Variants in CEP72 observed in about 807,000 individuals in gnomAD.
The protein encoded by CEP72 is centrosomal protein of 72 kDa.
A neutral mutation model predicts 65.7 loss-of-function variants in CEP72; 78 were observed. That is an observed-to-expected ratio of 1.19 (90% CI 0.99 to 1.43). The LOEUF (loss-of-function observed/expected upper bound fraction) is 1.43, where lower values mean the gene tolerates loss of function less well. CEP72 is among the 40% of genes most tolerant of loss of function. The pLI, the probability that CEP72 is intolerant of heterozygous loss-of-function variation, is 0.00. For synonymous variants in CEP72, 358 were observed against 351.7 expected, an observed-to-expected ratio of 1.02 and a Z score of -0.20; for missense variants, 914 against 832.9, an observed-to-expected ratio of 1.10 and a Z score of -1.20.
At chr5:664,848 GA>G (rs1401777584) in intron 2 of CEP72, 2 of 514,990 alleles carry the variant, frequency 3.9e-6, no homozygotes, top group Non-Finnish European at 3.5e-6. Context: ...AGACACTTTG[GA>G]AATGGCTGAG....
In CEP72 at chr5:637,880, C is replaced by T. The variant is rs1416651277; in HGVS notation, c.1206+62C>T. On this transcript the variant is annotated intron_variant, in intron 7 of 11. Coordinates refer to ENST00000264935, the MANE Select transcript of CEP72 (RefSeq NM_018140.4). ...CTGCCTCCCTAATGTGGGGCTGTTA[C>T]GGCTTTGGCGGGGCCGTGATTACGC... The T allele has an allele frequency of 4.0e-5, 56 of 1,414,772 alleles. 1 individual carries two copies. The highest frequency in any genetic ancestry group is 1.0e-4 in the South Asian group (7 of 68,216). The allele number at this position is 1,414,772 out of a possible 1,614,324, so 87.6% of individuals were successfully genotyped here. A position where few individuals can be genotyped will look rare whatever the true frequency, so the allele number is the denominator to read the frequency against.
intron 2 of CEP72, chr5:665,165 T>C (rs1697963): frequency 0.62 from 997,234 of 1,613,244 alleles, 312,295 homozygotes; most frequent in African/African-American, 0.89. Flanking sequence ...ACACATAGCC[T>C]GACTCGTCCA....
intron 2 of CEP72, chr5:664,784 T>C (rs1039702378): frequency 3.4e-6 from 1 of 298,324 alleles, no homozygotes; most frequent in South Asian, 5.4e-5. Flanking sequence ...AGCCAGCTGC[T>C]TTAAAACGCC....
At chr5:639,579 C>T (rs1375200620) in intron 8 of CEP72, among the ~76,000 whole-genome samples, 2 of 152,212 alleles carry the variant, frequency 1.3e-5, no homozygotes, top group East Asian at 1.9e-4. Flanking sequence ...TCTTCTCCCC[C>T]GACCCAGACG....
rs1736511578 is a variant in CEP72 at position 623,195 on chromosome 5, C to A, written c.404-1276C>A. ...TGCAGAGAAGGAGCGCGACCGTCTC[C>A]CCTCTTAGTGTTTCTACAGAGAAGG... On this transcript the variant is annotated intron_variant, in intron 3 of 11. Transcript: ENST00000264935. The surrounding 1 kb of genome is among the most constrained non-coding windows in gnomAD (Gnocchi z 5.3). Among the ~76,000 whole-genome samples the A allele has an allele frequency of 6.6e-6, 1 of 151,958 alleles. No individual in the cohort carries two copies. The highest frequency in any genetic ancestry group is 1.5e-5 in the Non-Finnish European group (1 of 67,974).
rs1437081387 is a variant in CEP72 at position 635,381 on chromosome 5, A to G, written c.701A>G (p.His234Arg). ...ADSRGSQESRHLLSPQLVQYQ... is the reference protein window; with the variant it reads ...ADSRGSQESRRLLSPQLVQYQ... ...TACAATATTTTAATAGAATCCAGACATCTGTTGAGCCCGCAGTTGGTACAG... is the reference window on the plus strand; with the variant it reads ...TACAATATTTTAATAGAATCCAGACGTCTGTTGAGCCCGCAGTTGGTACAG... The change falls in exon 6 of 12, where the codon CAT (histidine) becomes CGT (arginine). Residue 234 changes from histidine to arginine, a missense_variant. Coordinates refer to ENST00000264935, the MANE Select transcript of CEP72 (RefSeq NM_018140.4). The G allele has an allele frequency of 1.2e-6, 2 of 1,607,162 alleles. No homozygotes were observed. The highest frequency in any genetic ancestry group is 1.1e-5 in the South Asian group (1 of 90,720).
the CEP72 span, among the ~76,000 whole-genome samples, chr5:675,290 G>A: frequency 8.3e-6 from 1 of 120,054 alleles, no homozygotes; most frequent in Admixed American, 8.0e-5. Flanking sequence ...GTTCAGTGTG[G>A]CCAGGGGTGC....
intron 5 of CEP72, among the ~76,000 whole-genome samples, chr5:634,592 G>T (rs546594045): frequency 6.6e-6 from 1 of 152,312 alleles, no homozygotes; most frequent in South Asian, 2.1e-4. Context: ...AATCCTAGCT[G>T]CTCTGTCAGG....
intron 4 of CEP72, among the ~76,000 whole-genome samples, chr5:625,278 C>T (rs1027239403): frequency 6.6e-5 from 10 of 152,228 alleles, no homozygotes; most frequent in African/African-American, 1.9e-4. Flanking sequence ...GGAAAGTGGT[C>T]GGATTGTACA....
At chr5:663,391 A>G (rs1447892900) in intron 1 of CEP72, 1 of 152,320 alleles carries the variant, frequency 6.6e-6, no homozygotes, top group Non-Finnish European at 1.5e-5. Context: ...CCTGAGGTCC[A>G]TTTTTCCTTG....
At chr5:613,719 T>G (rs1049645492) in intron 1 of CEP72, among the ~76,000 whole-genome samples, 8 of 152,178 alleles carry the variant, frequency 5.3e-5, no homozygotes, top group Non-Finnish European at 8.8e-5. Context: ...AAGATTGGTG[T>G]TGTCAGTTGG....
In CEP72 at chr5:653,017, T is replaced by C; in HGVS notation, c.1808T>C (p.Leu603Pro). 6.2e-7 allele frequency: 1 copy of C among 1,613,202 alleles called. No homozygotes were observed. Among genetic ancestry groups the C allele is most frequent in the Non-Finnish European group, 8.5e-7 (1 of 1,179,712 alleles). ...CTGGTCAGCACCAATGAACACCTGC[T>C]GCAGGAGCTGAGCCAGGTGCGGGCG... ...SSLVSTNEHLLQELSQVRAQH... is the reference protein window; with the variant it reads ...SSLVSTNEHLPQELSQVRAQH... The change falls in exon 12 of 12, where the codon CTG becomes CCG. Residue 603 changes from leucine to proline, a missense_variant. By Grantham distance (98) the Leu-to-Pro change is moderately conservative. Coordinates refer to ENST00000264935, the MANE Select transcript of CEP72 (RefSeq NM_018140.4).
In CEP72 at chr5:647,815, A is replaced by G. The variant is rs758845794; in HGVS notation, c.1677A>G (p.Thr559=). 6.2e-7 allele frequency: 1 copy of G among 1,608,788 alleles called. No individual in the cohort carries two copies. Residue 559 remains threonine (T), a synonymous_variant, in exon 11 of 12, where the codon ACA becomes ACG. Coordinates refer to ENST00000264935, the MANE Select transcript of CEP72 (RefSeq NM_018140.4). ...TTCTTTCTCTTTCAGGACTTCAAAC[A>G]AGTGTGAAGAGGCTGTGTGGCGAGA... ...TLNLQIAGLQ[T]SVKRLCGEIV...
At chr5:616,292 T>C (rs1735984102) in intron 1 of CEP72, among the ~76,000 whole-genome samples, 2 of 152,224 alleles carry the variant, frequency 1.3e-5, no homozygotes, top group African/African-American at 2.4e-5. Context: ...TTTTTTGTTA[T>C]TGTATTTTTC....
rs375496559 is a variant in CEP72, at chr5:653,009, A to G, written c.1800A>G (p.Glu600=). ...GCAGCTCCCTGGTCAGCACCAATGA[A>G]CACCTGCTGCAGGAGCTGAGCCAGG... ...ESHSSLVSTN[E]HLLQELSQVR... Residue 600 remains glutamate (E), a synonymous_variant, in exon 12 of 12, where the codon GAA becomes GAG. Coordinates refer to ENST00000264935, the MANE Select transcript of CEP72 (RefSeq NM_018140.4). 1.7e-5 allele frequency: 28 copies of G among 1,612,572 alleles called. No individual in the cohort carries two copies. The highest frequency in any genetic ancestry group is 2.3e-5 in the Non-Finnish European group (27 of 1,179,476).
rs535207234 is a variant in CEP72, at chr5:626,304, C to A, written c.512+1725C>A. 1.6e-4 allele frequency among the ~76,000 whole-genome samples: 25 copies of A among 152,316 alleles called. No individual in the cohort carries two copies. In the South Asian group the frequency reaches 4.6e-3, roughly 28 times the overall value. ...GGTGAGAGGGAGCATCCTAGCCTCA[C>A]CTCCTGTCTTGGTGGGAGAGCATCT... On this transcript the variant is annotated intron_variant, in intron 4 of 11. Transcript: ENST00000264935.
chr5:651,314 CTG>C (rs201196050), intron 11 of CEP72, among the ~76,000 whole-genome samples: 6 of 142,468 alleles, frequency 4.2e-5, no homozygotes, highest in African/African-American at 1.3e-4. Flanking sequence ...TGAGGTGTGA[CTG>C]TGAGGCGTGG....
downstream of CEP72, among the ~76,000 whole-genome samples, chr5:658,144 C>A (rs191070143): frequency 6.6e-6 from 1 of 152,332 alleles, no homozygotes; most frequent in African/African-American, 2.4e-5. Flanking sequence ...TCAAGCGAGA[C>A]CTTGCCATCC....
chr5:671,725 G>T (rs1740230833), downstream of CEP72, among the ~76,000 whole-genome samples: 1 of 152,232 alleles, frequency 6.6e-6, no homozygotes, highest in Admixed American at 6.5e-5. Flanking sequence ...GCTCCACTCT[G>T]CGGAAGCCAC....
Sources: gnomAD v4.1 joint callset for allele counts (sites outside exome capture counted in the v4.1 genomes callset) on GRCh38, gnomAD v4.1.1 for gene constraint, Gnocchi (gnomAD v3.1) non-coding constraint, MANE v1.5 for transcripts, NCBI Gene and HGNC (gene_info 2026-07-23, HGNC 2026-07-21) for gene names.